PKIG: variants seen among roughly 807,000 people sequenced by gnomAD.
The protein encoded by PKIG is cAMP-dependent protein kinase inhibitor gamma, also known as protein kinase (cAMP-dependent, catalytic) inhibitor gamma.
Under a neutral mutation model 6.8 loss-of-function variants are expected in PKIG, and 1 was observed. The ratio of observed to expected loss-of-function variants is 0.15; its 90% CI spans 0.05 to 0.69. The LOEUF (loss-of-function observed/expected upper bound fraction) is 0.69. Ranked by LOEUF, PKIG falls within the 30% of genes least tolerant of loss-of-function variation. PKIG has a pLI of 0.82. For missense variants in PKIG, 77 were observed against 104.0 expected (o/e 0.74, Z 1.13); for synonymous variants, 39 against 43.0 (o/e 0.91, Z 0.36).
chr20:44,593,333 C>CAA (rs1157193152), intron 2 of PKIG, among the ~76,000 whole-genome samples: 1 of 133,638 alleles, frequency 7.5e-6, no homozygotes, highest in East Asian at 2.3e-4. Flanking sequence ...GATTATGTCT[C>CAA]AAAAAAAAAA....
chr20:44,547,137 C>T (rs2064622577), intron 1 of PKIG, among the ~76,000 whole-genome samples: 1 of 152,200 alleles, frequency 6.6e-6, no homozygotes, highest in Non-Finnish European at 1.5e-5. Context: ...GAGAATGAAT[C>T]AATGTCACTG....
chr20:44,576,933 T>G (rs1233813118), intron 1 of PKIG, among the ~76,000 whole-genome samples: 1 of 151,946 alleles, frequency 6.6e-6, no homozygotes, highest in Non-Finnish European at 1.5e-5. Flanking sequence ...AAATCAGCAG[T>G]CCAAAGGGGA....
intron 1 of PKIG, among the ~76,000 whole-genome samples, chr20:44,564,508 A>G (rs1204131613): frequency 1.3e-5 from 2 of 151,432 alleles, no homozygotes; most frequent in Admixed American, 6.6e-5. Context: ...ACACAGCTTC[A>G]TTTTATGTAT....
intron 2 of PKIG, among the ~76,000 whole-genome samples, chr20:44,594,992 G>T (rs1278234331): frequency 6.6e-6 from 1 of 152,230 alleles, no homozygotes; most frequent in Non-Finnish European, 1.5e-5. Context: ...GGAATCCCCT[G>T]GGTGCAGATG....
intron 2 of PKIG, among the ~76,000 whole-genome samples, chr20:44,599,932 G>C (rs1428541991): frequency 6.6e-6 from 1 of 152,104 alleles, no homozygotes; most frequent in Non-Finnish European, 1.5e-5. Flanking sequence ...TACCCTCCGG[G>C]CAGCTCTGCC....
intron 1 of PKIG, chr20:44,564,146 G>A (rs1272671068): frequency 1.3e-5 from 2 of 152,138 alleles, no homozygotes; most frequent in Non-Finnish European, 2.9e-5. Context: ...TATTTTTGGG[G>A]TGAGGTAAAA....
chr20:44,580,698 T>G (rs759592993), upstream of PKIG, among the ~76,000 whole-genome samples: 17 of 152,140 alleles, frequency 1.1e-4, no homozygotes, highest in Non-Finnish European at 2.1e-4. Context: ...ATTGTCACAT[T>G]GTTGAAAAGC....
intron 1 of PKIG, among the ~76,000 whole-genome samples, chr20:44,538,459 TAAACATAC>T (rs2064532511): frequency 6.6e-6 from 1 of 152,206 alleles, no homozygotes; most frequent in Non-Finnish European, 1.5e-5. Context: ...TGGAAAAGTT[TAAACATAC>T]AAAAGTAGAA....
intron 1 of PKIG, among the ~76,000 whole-genome samples, chr20:44,532,375 C>T (rs1858536118): frequency 6.6e-6 from 1 of 152,160 alleles, no homozygotes; most frequent in Admixed American, 6.5e-5. Context: ...ATCATGGTAG[C>T]ACCTGTCTGA....
intron 1 of PKIG, among the ~76,000 whole-genome samples, chr20:44,548,854 C>CCACACACACA (rs11469110): frequency 1.6e-4 from 22 of 135,584 alleles, no homozygotes; most frequent in African/African-American, 4.7e-4. Context: ...ACTCCTCCCA[C>CCACACACACA]CACACACACA....
At chr20:44,611,514 T>C (rs796739991) in intron 2 of PKIG, among the ~76,000 whole-genome samples, 43 of 151,568 alleles carry the variant, frequency 2.8e-4, no homozygotes, top group African/African-American at 1.0e-3. Flanking sequence ...TCTCCTTCTA[T>C]ATCAACTTTT....
At chr20:44,575,954 G>C (rs1163110671) in intron 1 of PKIG, among the ~76,000 whole-genome samples, 1 of 152,094 alleles carries the variant, frequency 6.6e-6, no homozygotes, top group Non-Finnish European at 1.5e-5. Context: ...TTCCAATGGT[G>C]CTTTCTTGTC....
chr20:44,609,537 C>T (rs1756643536), intron 2 of PKIG, among the ~76,000 whole-genome samples: 2 of 152,182 alleles, frequency 1.3e-5, no homozygotes, highest in South Asian at 4.1e-4. Context: ...AACTCCCTCT[C>T]CTTCAGAGGC....
intron 1 of PKIG, among the ~76,000 whole-genome samples, chr20:44,557,132 A>G (rs940857675): frequency 6.6e-6 from 1 of 152,198 alleles, no homozygotes; most frequent in African/African-American, 2.4e-5. Flanking sequence ...ATACTTAATG[A>G]GAGGGACTTG....
intron 1 of PKIG, among the ~76,000 whole-genome samples, chr20:44,564,585 T>G (rs180951423): frequency 3.9e-5 from 6 of 152,322 alleles, no homozygotes; most frequent in Admixed American, 3.9e-4. Context: ...ATTATTATTT[T>G]TTTTAGAGAT....
intron 1 of PKIG, among the ~76,000 whole-genome samples, chr20:44,534,529 T>G (rs2064495516): frequency 6.6e-6 from 1 of 151,552 alleles, no homozygotes. Context: ...AGTGTAGTGG[T>G]GCAATCTTGG....
Position 44,614,888 on chromosome 20 carries a change from C to T in PKIG, c.151+181C>T, listed in dbSNP as rs1223618522. ...TCTAGGTTGGAAGATGTTTGAGTCT[C>T]AGGCCCCAAGGACTCCTCTGGACAG... is the stretch of plus-strand genomic sequence containing the variant. On this transcript the variant is annotated intron_variant, in intron 3 of 3. Transcript: ENST00000372886. The surrounding 1 kb of genome is among the most constrained non-coding windows in gnomAD (Gnocchi z 4.6). 6 of 647,710 alleles carry T rather than the reference C, an allele frequency of 9.3e-6. No homozygotes were observed. The highest frequency in any genetic ancestry group is 8.8e-5 in the Admixed American group (3 of 33,944). The allele number at this position is 647,710 out of a possible 1,614,324, so 40.1% of individuals were successfully genotyped here.
intron 1 of PKIG, among the ~76,000 whole-genome samples, chr20:44,538,861 G>T (rs187107095): frequency 1.3e-5 from 2 of 151,994 alleles, no homozygotes; most frequent in East Asian, 3.9e-4. Context: ...AGGTTCAAGT[G>T]ATCCTCCTAT....
At chr20:44,610,477 TC>T (rs1568835197) in intron 2 of PKIG, among the ~76,000 whole-genome samples, 4 of 134,272 alleles carry the variant, frequency 3.0e-5, no homozygotes, top group Admixed American at 7.5e-5. Context: ...TCTCTCTCTC[TC>T]TCTCTCTTCT....
Sources: allele counts gnomAD v4.1 joint callset (sites outside exome capture counted in the v4.1 genomes callset), GRCh38; gene constraint gnomAD v4.1.1; non-coding constraint Gnocchi (gnomAD v3.1); transcripts MANE v1.5; gene names NCBI Gene and HGNC (gene_info 2026-07-23, HGNC 2026-07-21).